The following YAE1 variants were observed in gnomAD, a reference collection of about 807,000 sequenced individuals.
YAE1 encodes the protein protein YAE1 homolog.
YAE1 carries 22 observed loss-of-function variants against 23.0 expected under a neutral mutation model. The observed-to-expected ratio is 0.96, with a 90% CI of 0.68 to 1.37. YAE1 has a LOEUF of 1.37. Among genes scored for constraint, YAE1 ranks in the 40% most tolerant of loss-of-function variants. The pLI is 0.00. For synonymous variants in YAE1, 101 were observed against 97.0 expected (o/e 1.04, Z -0.24); for missense variants, 260 against 262.1 (o/e 0.99, Z 0.06).
At chr7:39,568,327 T>C (rs1309107055) in intron 1 of YAE1, among the ~76,000 whole-genome samples, 1 of 151,934 alleles carries the variant, frequency 6.6e-6, no homozygotes, top group Non-Finnish European at 1.5e-5. Flanking sequence ...ATTAAGAACT[T>C]TCTGTATATG....
chr7:39,597,636 T>TA (rs1171149249), intron 2 of YAE1, among the ~76,000 whole-genome samples: 2 of 152,210 alleles, frequency 1.3e-5, no homozygotes, highest in Non-Finnish European at 2.9e-5. Flanking sequence ...CAAGTCAATG[T>TA]AAAACCAGTG....
At chr7:39,571,219 C>T (rs1185996019) in intron 2 of YAE1, among the ~76,000 whole-genome samples, 1 of 151,500 alleles carries the variant, frequency 6.6e-6, no homozygotes, top group African/African-American at 2.4e-5. Context: ...AATTCATAAA[C>T]TTTCTTAAAA....
chr7:39,604,367 AC>A (rs1791098387), intron 2 of YAE1, among the ~76,000 whole-genome samples: 1 of 152,150 alleles, frequency 6.6e-6, no homozygotes, highest in African/African-American at 2.4e-5. Flanking sequence ...ATTCTGAAAC[AC>A]CTTAATTGTC....
At chr7:39,595,533 A>C (rs534051128) in intron 2 of YAE1, among the ~76,000 whole-genome samples, 1 of 152,340 alleles carries the variant, frequency 6.6e-6, no homozygotes, top group South Asian at 2.1e-4. Flanking sequence ...AAAGACATTA[A>C]AGTATACTAC....
intron 2 of YAE1, among the ~76,000 whole-genome samples, chr7:39,599,559 G>C (rs573490289): frequency 6.6e-6 from 1 of 152,060 alleles, no homozygotes; most frequent in Admixed American, 6.5e-5. Flanking sequence ...ATTTTTAGTA[G>C]AGACGGGTTG....
At chr7:39,581,575 T>A (rs1333661761) in intron 2 of YAE1, among the ~76,000 whole-genome samples, 1 of 152,116 alleles carries the variant, frequency 6.6e-6, no homozygotes, top group Non-Finnish European at 1.5e-5. Flanking sequence ...AGCAAATTAT[T>A]ATTAACAACT....
chr7:39,600,649 G>A (rs1049754678), intron 2 of YAE1, among the ~76,000 whole-genome samples: 4 of 152,158 alleles, frequency 2.6e-5, no homozygotes, highest in East Asian at 3.9e-4. Flanking sequence ...CACCCGCCTC[G>A]GCCTCCCAAA....
At chr7:39,581,144 T>C (rs1489811788) in intron 2 of YAE1, among the ~76,000 whole-genome samples, 1 of 152,240 alleles carries the variant, frequency 6.6e-6, no homozygotes, top group African/African-American at 2.4e-5. Context: ...TACTCAAATA[T>C]ATCACAACTC....
intron 2 of YAE1, among the ~76,000 whole-genome samples, chr7:39,585,561 C>T (rs1790802725): frequency 6.6e-6 from 1 of 152,200 alleles, no homozygotes; most frequent in African/African-American, 2.4e-5. Context: ...TCTGTTCAAC[C>T]CACCCGTTCT....
chr7:39,609,130 A>G (rs1188505332), intron 2 of YAE1, among the ~76,000 whole-genome samples: 1 of 152,216 alleles, frequency 6.6e-6, no homozygotes, highest in Non-Finnish European at 1.5e-5. Flanking sequence ...CCAAGAAAGC[A>G]GTGAGGAAGA....
At chr7:39,611,332 A>G (rs1348737762), downstream of YAE1, among the ~76,000 whole-genome samples, 4 of 152,106 alleles carry the variant, frequency 2.6e-5, no homozygotes, top group African/African-American at 9.7e-5. Context: ...AAAATTCCCA[A>G]ATGGAGTTGG....
intron 1 of YAE1, chr7:39,569,464 C>T (rs900054857): frequency 2.0e-6 from 1 of 493,990 alleles, no homozygotes; most frequent in East Asian, 5.2e-5. Flanking sequence ...TTGGCTTCTT[C>T]TTCTGAAACA....
At chr7:39,601,970 T>C (rs1163426808) in intron 2 of YAE1, among the ~76,000 whole-genome samples, 2 of 152,114 alleles carry the variant, frequency 1.3e-5, no homozygotes, top group African/African-American at 4.8e-5. Context: ...TGGTTATCTA[T>C]AGAAGACAGT....
chr7:39,574,286 C>T (rs983053809), downstream of YAE1, among the ~76,000 whole-genome samples: 5 of 152,186 alleles, frequency 3.3e-5, no homozygotes, highest in African/African-American at 1.2e-4. Flanking sequence ...ATCTCTCGAA[C>T]TTGTTTTGCC....
chr7:39,611,123 C>T (rs1018492162), downstream of YAE1, among the ~76,000 whole-genome samples: 14 of 149,980 alleles, frequency 9.3e-5, no homozygotes, highest in African/African-American at 3.0e-4. Context: ...ACTCTAGCCT[C>T]GGTGACAGAG....
At chr7:39,597,181 AT>A (rs1443562764) in intron 2 of YAE1, among the ~76,000 whole-genome samples, 18 of 152,264 alleles carry the variant, frequency 1.2e-4, no homozygotes, top group African/African-American at 4.3e-4. Context: ...AAAAGAAAAT[AT>A]TTAGCCTAGT....
At position 39,572,434 on chromosome 7, in the gene YAE1, A is replaced by G. The variant is rs1192765411; in HGVS notation, c.409A>G (p.Ile137Val). The G allele has an allele frequency of 6.2e-7, 1 of 1,614,164 alleles. No homozygotes were observed. The highest frequency in any genetic ancestry group is 1.7e-5 in the Admixed American group (1 of 60,024). The change falls in exon 3 of 3, where the codon ATT becomes GTT. Residue 137 changes from isoleucine (I) to valine (V), a missense_variant. Transcript: ENST00000223273. The part of the protein sequence containing the change: ...PSHVVDLLDS[I>V]EDMDLCHVVP... Reference sequence around the variant, plus strand: ...CCATGTTGTAGATTTATTGGACTCCATTGAGGATATGGACCTTTGTCATGT... The same window carrying G: ...CCATGTTGTAGATTTATTGGACTCCGTTGAGGATATGGACCTTTGTCATGT...
intron 2 of YAE1, among the ~76,000 whole-genome samples, chr7:39,602,902 C>T (rs1200867929): frequency 1.3e-5 from 2 of 152,146 alleles, no homozygotes; most frequent in African/African-American, 4.8e-5. Context: ...GCGTGCGCCA[C>T]CACACCTGGC....
intron 2 of YAE1, among the ~76,000 whole-genome samples, chr7:39,591,144 C>A (rs1790895657): frequency 6.6e-6 from 1 of 152,124 alleles, no homozygotes; most frequent in Non-Finnish European, 1.5e-5. Context: ...TTTCTGTGTC[C>A]AAACTCCTCT....
Sources: gnomAD v4.1 joint callset for allele counts (sites outside exome capture counted in the v4.1 genomes callset) on GRCh38, gnomAD v4.1.1 for gene constraint, MANE v1.5 for transcripts, NCBI Gene and HGNC (gene_info 2026-07-23, HGNC 2026-07-21) for gene names.